Variants in FGF12 observed in about 807,000 individuals in gnomAD.
FGF12 encodes fibroblast growth factor 12B.
A neutral mutation model predicts 23.6 loss-of-function variants in FGF12; 14 were observed. The observed-to-expected ratio is 0.59, with a 90% CI of 0.39 to 0.93. The LOEUF is 0.93. Among genes scored for constraint, FGF12 ranks in the 40% least tolerant of loss-of-function variants. FGF12 has a pLI of 0.00. For missense variants in FGF12, 175 were observed against 217.8 expected (o/e 0.80, Z 1.24); for synonymous variants, 62 against 77.3 (o/e 0.80, Z 1.04).
chr3:192,271,683 A>C (rs1713448212), intron 4 of FGF12, among the ~76,000 whole-genome samples: 1 of 152,122 alleles, frequency 6.6e-6, no homozygotes, highest in Non-Finnish European at 1.5e-5. Flanking sequence ...TTTGGGGGGA[A>C]GTCTTTCCCA....
intron 2 of FGF12, among the ~76,000 whole-genome samples, chr3:192,668,927 A>G (rs13098371): frequency 1.3e-5 from 2 of 152,180 alleles, no homozygotes; most frequent in Non-Finnish European, 2.9e-5. Context: ...ACTAATAACC[A>G]TGATAAGAAT....
At chr3:192,365,572 A>T (rs539670100) in intron 2 of FGF12, among the ~76,000 whole-genome samples, 55 of 151,932 alleles carry the variant, frequency 3.6e-4, no homozygotes, top group African/African-American at 1.3e-3. Flanking sequence ...TCTATAAATT[A>T]AAAAAAATTC....
At chr3:192,200,949 G>C (rs115938505) in intron 4 of FGF12, among the ~76,000 whole-genome samples, 97 of 152,100 alleles carry the variant, frequency 6.4e-4, no homozygotes, top group African/African-American at 2.3e-3. Flanking sequence ...TACTTTAAGA[G>C]ATGGTAAAAG....
chr3:192,660,702 C>A (rs1195380916), intron 2 of FGF12, among the ~76,000 whole-genome samples: 1 of 152,048 alleles, frequency 6.6e-6, no homozygotes, highest in Non-Finnish European at 1.5e-5. Context: ...ACATTGGAAG[C>A]AGGAGATACT....
At chr3:192,363,836 A>C (rs985925464) in intron 2 of FGF12, among the ~76,000 whole-genome samples, 2 of 152,224 alleles carry the variant, frequency 1.3e-5, no homozygotes, top group Non-Finnish European at 2.9e-5. Flanking sequence ...TCCTGGGTAC[A>C]TTCAACTAAC....
At chr3:192,382,808 T>G (rs896533999) in intron 2 of FGF12, among the ~76,000 whole-genome samples, 6 of 152,202 alleles carry the variant, frequency 3.9e-5, no homozygotes, top group African/African-American at 1.4e-4. Context: ...ATGCCTATAT[T>G]TAAAACTTTT....
At chr3:192,163,773 A>G (rs1318581709) in intron 5 of FGF12, among the ~76,000 whole-genome samples, 1 of 151,916 alleles carries the variant, frequency 6.6e-6, no homozygotes, top group Non-Finnish European at 1.5e-5. Context: ...TATGAGCTTA[A>G]AGCACCAATT....
intron 2 of FGF12, among the ~76,000 whole-genome samples, chr3:192,377,251 C>T (rs1707346697): frequency 6.6e-6 from 1 of 152,214 alleles, no homozygotes; most frequent in South Asian, 2.1e-4. Context: ...GGGTCTGACA[C>T]CCAGTCTCCT....
intron 2 of FGF12, among the ~76,000 whole-genome samples, chr3:192,604,612 G>A (rs1465780687): frequency 6.6e-6 from 1 of 152,112 alleles, no homozygotes; most frequent in African/African-American, 2.4e-5. Flanking sequence ...AATCAATATT[G>A]TTAAAATGGT....
At chr3:192,218,994 C>A (rs561194888) in intron 4 of FGF12, among the ~76,000 whole-genome samples, 42 of 152,266 alleles carry the variant, frequency 2.8e-4, no homozygotes, top group African/African-American at 9.6e-4. Context: ...GCTGGGTTGG[C>A]AAACTTGGAA....
At chr3:192,601,869 A>C (rs1455051470) in intron 2 of FGF12, among the ~76,000 whole-genome samples, 1 of 152,156 alleles carries the variant, frequency 6.6e-6, no homozygotes, top group Non-Finnish European at 1.5e-5. Context: ...TCAGGGAATA[A>C]GGAAAACAAA....
At chr3:192,160,775 A>AT (rs1235292587) in intron 5 of FGF12, among the ~76,000 whole-genome samples, 1 of 152,152 alleles carries the variant, frequency 6.6e-6, no homozygotes, top group Non-Finnish European at 1.5e-5. Flanking sequence ...ACAGTGACTA[A>AT]CTGAAGAAGT....
intron 2 of FGF12, among the ~76,000 whole-genome samples, chr3:192,577,651 T>C (rs1467925490): frequency 6.6e-6 from 1 of 152,242 alleles, no homozygotes; most frequent in Non-Finnish European, 1.5e-5. Context: ...CCCTTAAGAC[T>C]AAAGTGATAT....
At chr3:192,406,391 G>C (rs529187352) in intron 2 of FGF12, among the ~76,000 whole-genome samples, 1 of 152,112 alleles carries the variant, frequency 6.6e-6, no homozygotes, top group Admixed American at 6.5e-5. Flanking sequence ...GTACTTCAGA[G>C]ATTGAGATAT....
chr3:192,512,716 C>T (rs1393571081), intron 2 of FGF12, among the ~76,000 whole-genome samples: 2 of 150,934 alleles, frequency 1.3e-5, no homozygotes, highest in Non-Finnish European at 3.0e-5. Flanking sequence ...GGAAACTTCA[C>T]TACTTGGAAC....
intron 4 of FGF12, among the ~76,000 whole-genome samples, chr3:192,200,222 C>T (rs891551113): frequency 5.9e-5 from 9 of 151,276 alleles, no homozygotes; most frequent in South Asian, 2.1e-4. Flanking sequence ...CCAGCTACTC[C>T]GGAGGCTGAG....
rs78042246 is a variant in FGF12, at chr3:192,228,891, A to T, written c.229-58235T>A. Among the ~76,000 whole-genome samples the T allele has an allele frequency of 5.4e-3, 825 of 152,258 alleles. 4 individuals carry two copies. The highest frequency in any genetic ancestry group is 0.019 in the African/African-American group (805 of 41,578). ...AGGGAAACTAGACACTACGAGAGCCAATACATTTGCAGTCACAGAGTTCAA... is the reference window on the plus strand; with the variant it reads ...AGGGAAACTAGACACTACGAGAGCCTATACATTTGCAGTCACAGAGTTCAA... On this transcript the variant is annotated intron_variant, in intron 4 of 5. Transcript: ENST00000445105.
At chr3:192,271,795 C>A (rs900984336) in intron 4 of FGF12, among the ~76,000 whole-genome samples, 4 of 152,078 alleles carry the variant, frequency 2.6e-5, no homozygotes, top group South Asian at 4.1e-4. Context: ...GAAAGACATA[C>A]AATATGTCCC....
At chr3:192,447,971 C>T (rs1722408682) in intron 2 of FGF12, among the ~76,000 whole-genome samples, 1 of 152,226 alleles carries the variant, frequency 6.6e-6, no homozygotes. Context: ...CTGAACTTCA[C>T]AGCCCTTTTT....
Sources: allele counts gnomAD v4.1 joint callset (sites outside exome capture counted in the v4.1 genomes callset), GRCh38; gene constraint gnomAD v4.1.1; transcripts MANE v1.5; gene names NCBI Gene and HGNC (gene_info 2026-07-23, HGNC 2026-07-21).